Variants in RER1 observed in about 807,000 individuals in gnomAD.
The protein encoded by RER1 is retention in endoplasmic reticulum sorting receptor 1, also known as protein RER1.
RER1 carries 6 observed loss-of-function variants against 28.3 expected under a neutral mutation model. That is an observed-to-expected ratio of 0.21 (90% confidence interval 0.12 to 0.42). The LOEUF (loss-of-function observed/expected upper bound fraction) is 0.42, where lower values mean the gene tolerates loss of function less well. Ranked by LOEUF, RER1 falls within the 10% of genes least tolerant of loss-of-function variation. RER1 has a pLI of 1.00. For missense variants in RER1, 159 were observed against 252.9 expected (o/e 0.63, Z 2.52); for synonymous variants, 110 against 95.9 (o/e 1.15, Z -0.86).
chr1:2,393,454 T>C (rs1570072143), intron 1 of RER1, among the ~76,000 whole-genome samples: 1 of 151,658 alleles, frequency 6.6e-6, no homozygotes, highest in Admixed American at 6.6e-5. Context: ...GAAGAGGAGG[T>C]GGGCTTCAAA....
In RER1 at chr1:2,402,312, C is replaced by T. The variant is rs373692839; in HGVS notation, c.471C>T (p.Leu157=). The T allele has an allele frequency of 3.5e-5, 57 of 1,614,116 alleles. No individual in the cohort carries two copies. The highest frequency in any genetic ancestry group is 6.6e-5 in the South Asian group (6 of 91,090). ...WPILVMYFIM[L]FCITMKRQIK... ...TTCTGGTGATGTACTTCATCATGCTCTTCTGTATCACGATGAAGAGGCAAA... is the reference window on the plus strand; with the variant it reads ...TTCTGGTGATGTACTTCATCATGCTTTTCTGTATCACGATGAAGAGGCAAA... The change falls in exon 6 of 7, where the codon CTC becomes CTT. Residue 157 remains leucine, a synonymous_variant. Coordinates refer to ENST00000605895, the MANE Select transcript of RER1 (RefSeq NM_007033.5).
chr1:2,402,997 C>A, intron 6 of RER1, 38 bp from the exon 7 acceptor site: 1 of 1,533,156 alleles, frequency 6.5e-7, no homozygotes. Flanking sequence ...GACTGGAGAG[C>A]GGTTGTGCAG....
At chr1:2,397,550 G>A (rs1263034987) in intron 3 of RER1, among the ~76,000 whole-genome samples, 2 of 151,074 alleles carry the variant, frequency 1.3e-5, no homozygotes, top group Non-Finnish European at 3.0e-5. Flanking sequence ...ACAAGGTTGC[G>A]CTCTGTGGCT....
At chr1:2,397,063 C>A in intron 2 of RER1, 53 bp from the exon 3 acceptor site, 1 of 1,189,474 alleles carries the variant, frequency 8.4e-7, no homozygotes. Context: ...GTGGCAGGGT[C>A]AGTACAGAAG....
In RER1 at chr1:2,405,389, T is replaced by C; in HGVS notation, c.*2265T>C. 1 of 382,510 alleles carries C rather than the reference T, an allele frequency of 2.6e-6. No individual in the cohort carries two copies. Among genetic ancestry groups the C allele is most frequent in the South Asian group, 2.1e-5 (1 of 47,390 alleles). 23.7% of individuals were successfully genotyped at this position (382,510 alleles called of 1,614,324 possible). ...GTCCATTGCCTTAACACAAGCCTGATGGGGCTGTTTTCTCACAATATAAAC... is the reference window on the plus strand; with the variant it reads ...GTCCATTGCCTTAACACAAGCCTGACGGGGCTGTTTTCTCACAATATAAAC... On this transcript the variant is annotated 3_prime_UTR_variant, in exon 7 of 7. Transcript: ENST00000605895.
intron 4 of RER1, among the ~76,000 whole-genome samples, chr1:2,399,885 A>T (rs1012600331): frequency 6.6e-6 from 1 of 152,170 alleles, no homozygotes; most frequent in East Asian, 1.9e-4. Flanking sequence ...TGACGAGGTT[A>T]CCTTTTCCCG....
chr1:2,403,316 T>C lies in RER1; in HGVS notation c.*192T>C, dbSNP rs1234121285. The C allele has an allele frequency of 3.7e-6, 2 of 546,838 alleles. No homozygotes were observed. The highest frequency in any genetic ancestry group is 3.3e-6 in the Non-Finnish European group (1 of 302,910). 33.9% of individuals were successfully genotyped at this position (546,838 alleles called of 1,614,324 possible). On this transcript the variant is annotated 3_prime_UTR_variant, in exon 7 of 7. Transcript: ENST00000605895. ...GCGCTTAAACCAAATCGCATGGATT[T>C]CTTTTTCAGTGACGTTCAAGTGTTT...
At chr1:2,397,898 G>A (rs1249266547) in intron 3 of RER1, among the ~76,000 whole-genome samples, 2 of 152,228 alleles carry the variant, frequency 1.3e-5, no homozygotes, top group Non-Finnish European at 2.9e-5. Flanking sequence ...GTGCAGAGCA[G>A]GGCATGTTGA....
At chr1:2,402,945 A>T (rs1467787483) in intron 6 of RER1, 90 bp from the exon 7 acceptor site, 12 of 1,035,438 alleles carry the variant, frequency 1.2e-5, no homozygotes, top group African/African-American at 1.6e-5. Flanking sequence ...TATAGAAAAG[A>T]TGGGGGACCT....
At chr1:2,396,063 C>T (rs1242691125) in intron 2 of RER1, 192 bp downstream of exon 2, 13 of 598,674 alleles carry the variant, frequency 2.2e-5, no homozygotes, top group East Asian at 1.7e-4. Context: ...TGGGGCCACA[C>T]GTGGTCTATC....
rs1259844250 is a variant in RER1 at position 2,401,322 on chromosome 1, C to G, written c.365+387C>G. Among the ~76,000 whole-genome samples the G allele has an allele frequency of 1.6e-3, 79 of 48,362 alleles. 1 individual carries two copies. The highest frequency in any genetic ancestry group is 2.4e-3 in the Non-Finnish European group (55 of 22,662). The allele number at this position is 48,362 out of a possible 152,430, so 31.7% of individuals were successfully genotyped here. A position where few individuals can be genotyped will look rare whatever the true frequency, so the allele number is the denominator to read the frequency against. ...CTTCCTGCCGCCTCCTCCCTCCTTC[C>G]TGCCTCCTCCTCCCTCCTTCTCCCT... On this transcript the variant is annotated intron_variant, in intron 5 of 6. Transcript: ENST00000605895.
chr1:2,397,319 G>A (rs1466478950), intron 3 of RER1, 99 bp downstream of exon 3: 2 of 785,766 alleles, frequency 2.5e-6, no homozygotes, highest in Non-Finnish European at 4.5e-6. Context: ...TGCAGGAAGT[G>A]GTCTCTAGTA....
rs1570089689 is a variant in RER1 at position 2,403,676 on chromosome 1, A to G, written c.*552A>G. 6.5e-6 allele frequency: 1 copy of G among 153,022 alleles called. No homozygotes were observed. The highest frequency in any genetic ancestry group is 1.9e-4 in the East Asian group (1 of 5,198). The allele number at this position is 153,022 out of a possible 1,614,324, so 9.5% of individuals were successfully genotyped here. ...ATGTTTAAAGTTGGCCTCTATCCTAATGACTCAAAACTTGGTTCTTAACTA... is the reference window on the plus strand; with the variant it reads ...ATGTTTAAAGTTGGCCTCTATCCTAGTGACTCAAAACTTGGTTCTTAACTA... On this transcript the variant is annotated 3_prime_UTR_variant, in exon 7 of 7. Coordinates refer to ENST00000605895, the MANE Select transcript of RER1 (RefSeq NM_007033.5).
chr1:2,400,337 T>C (rs565739549), intron 4 of RER1, among the ~76,000 whole-genome samples: 2 of 152,330 alleles, frequency 1.3e-5, no homozygotes, highest in South Asian at 4.1e-4. Flanking sequence ...TGTTGCTGTT[T>C]GGAGGAGACT....
At chr1:2,392,890 C>CG (rs1557899826) in intron 1 of RER1, among the ~76,000 whole-genome samples, 1 of 152,118 alleles carries the variant, frequency 6.6e-6, no homozygotes, top group African/African-American at 2.4e-5. Context: ...GAGGAAGAGA[C>CG]GGGGTCTGGG....
At position 2,403,751 on chromosome 1, in the gene RER1, ATTGT is replaced by A. The variant is rs1337645637; in HGVS notation, c.*631_*634del. ...AATTATAAATATATATTATATTTTA[ATTGT>A]TTGAGATTATTTTGACACATTTCTT... On this transcript the variant is annotated 3_prime_UTR_variant, in exon 7 of 7. Coordinates refer to ENST00000605895, the MANE Select transcript of RER1 (RefSeq NM_007033.5). The A allele has an allele frequency of 3.9e-5, 6 of 152,556 alleles. No individual in the cohort carries two copies. Among genetic ancestry groups the A allele is most frequent in the Admixed American group, 1.3e-4 (2 of 15,266 alleles). 9.5% of individuals were successfully genotyped at this position (152,556 alleles called of 1,614,324 possible). A position where few individuals can be genotyped will look rare whatever the true frequency, so the allele number is the denominator to read the frequency against.
intron 4 of RER1, among the ~76,000 whole-genome samples, chr1:2,400,334 G>C (rs2100404544): frequency 6.6e-6 from 1 of 152,330 alleles, no homozygotes; most frequent in South Asian, 2.1e-4. Flanking sequence ...TGTTGTTGCT[G>C]TTTGGAGGAG....
At chr1:2,401,458 T>A (rs1166594413) in intron 5 of RER1, among the ~76,000 whole-genome samples, 1 of 115,954 alleles carries the variant, frequency 8.6e-6, no homozygotes, top group Non-Finnish European at 1.8e-5. Flanking sequence ...TCCTTTTGGC[T>A]GGCAGAGGGA....
In RER1 at chr1:2,393,967, C is replaced by T. The variant is rs562010031; in HGVS notation, c.-7-1817C>T. ...TGGCGGGAGAGCTGGGTATTTTCTC[C>T]CTGACATTACTCTCATCACCTCCAG... On this transcript the variant is annotated intron_variant, in intron 1 of 6. Transcript: ENST00000605895. 15 of 152,234 alleles carry T rather than the reference C, an allele frequency of 9.9e-5. No homozygotes were observed. The East Asian group carries it at 2.9e-3, about 29-fold the overall frequency. 9.4% of individuals were successfully genotyped at this position (152,234 alleles called of 1,614,324 possible). A position where few individuals can be genotyped will look rare whatever the true frequency, so the allele number is the denominator to read the frequency against.
Sources: allele counts gnomAD v4.1 joint callset (sites outside exome capture counted in the v4.1 genomes callset), GRCh38; gene constraint gnomAD v4.1.1; transcripts MANE v1.5; gene names NCBI Gene and HGNC (gene_info 2026-07-23, HGNC 2026-07-21).